Variants in HMG20A observed in about 807,000 individuals in gnomAD.
HMG20A encodes the protein high mobility group protein 20A.
HMG20A carries 17 observed loss-of-function variants against 43.9 expected under a neutral mutation model. The ratio of observed to expected loss-of-function variants is 0.39; its 90% CI spans 0.27 to 0.58. The LOEUF (loss-of-function observed/expected upper bound fraction) is 0.58. Among genes scored for constraint, HMG20A ranks in the 20% least tolerant of loss-of-function variants. The pLI is 0.59. For missense variants in HMG20A, 341 were observed against 438.2 expected, an observed-to-expected ratio of 0.78 and a Z score of 1.98; for synonymous variants, 132 against 147.5, an observed-to-expected ratio of 0.89 and a Z score of 0.76.
chr15:77,477,448 G>C (rs1451050145), intron 6 of HMG20A, 107 bp from the exon 7 acceptor site: 1 of 786,304 alleles, frequency 1.3e-6, no homozygotes, highest in Non-Finnish European at 2.1e-6. Context: ...ACTGATTCCT[G>C]CTCACCCTAT....
At chr15:77,459,247 A>G (rs1223014723) in intron 2 of HMG20A, among the ~76,000 whole-genome samples, 3 of 152,022 alleles carry the variant, frequency 2.0e-5, no homozygotes. Context: ...TGACCTCACT[A>G]CTCAGATGAA....
At chr15:77,452,126 G>A (rs1363193267) in intron 1 of HMG20A, among the ~76,000 whole-genome samples, 1 of 152,222 alleles carries the variant, frequency 6.6e-6, no homozygotes, top group African/African-American at 2.4e-5. Flanking sequence ...CTAATTGAAT[G>A]AGGAGCCTCC....
At chr15:77,471,232 G>GTCTATTATCAATTTCCGTCATTTAGAAA (rs2072805585) in intron 5 of HMG20A, among the ~76,000 whole-genome samples, 190 bp downstream of exon 5, 2 of 151,760 alleles carry the variant, frequency 1.3e-5, no homozygotes, top group East Asian at 3.9e-4. Context: ...TTTCAACTGG[G>GTCTATTATCAATTTCCGTCATTTAGAAA]TTTCCGTGTC....
chr15:77,455,067 A>G (rs548236120), intron 1 of HMG20A, among the ~76,000 whole-genome samples: 1 of 151,910 alleles, frequency 6.6e-6, no homozygotes, highest in Admixed American at 6.6e-5. Flanking sequence ...TAGCATGTGT[A>G]AAGTAAGAAA....
chr15:77,464,470 T>A (rs547338095), intron 3 of HMG20A, 83 bp downstream of exon 3: 10 of 1,414,722 alleles, frequency 7.1e-6, no homozygotes, highest in Middle Eastern at 3.6e-4. Flanking sequence ...GATCAAGGTG[T>A]TCATATGACC....
At chr15:77,509,977 T>C in the HMG20A span, among the ~76,000 whole-genome samples, 38 of 152,160 alleles carry the variant, frequency 2.5e-4, no homozygotes, top group Admixed American at 2.3e-3. Context: ...CAAGATCATG[T>C]TGGAAAGGCT....
intron 9 of HMG20A, among the ~76,000 whole-genome samples, chr15:77,480,503 C>T (rs2072896832): frequency 6.6e-6 from 1 of 151,198 alleles, no homozygotes; most frequent in Non-Finnish European, 1.5e-5. Context: ...GTCCTAGCTA[C>T]TCAGGAGGCT....
At chr15:77,487,299 A>C (rs1308487648), downstream of HMG20A, among the ~76,000 whole-genome samples, 1 of 152,218 alleles carries the variant, frequency 6.6e-6, no homozygotes, top group Non-Finnish European at 1.5e-5. Flanking sequence ...GTAAGGAAGA[A>C]GGAGAAAATG....
At chr15:77,492,534 G>A in the HMG20A span, among the ~76,000 whole-genome samples, 1 of 152,186 alleles carries the variant, frequency 6.6e-6, no homozygotes, top group Non-Finnish European at 1.5e-5. Flanking sequence ...AAGGTAAGAA[G>A]AGCATGCAGT....
At chr15:77,473,274 G>A (rs1193731680) in intron 6 of HMG20A, among the ~76,000 whole-genome samples, 1 of 152,146 alleles carries the variant, frequency 6.6e-6, no homozygotes, top group African/African-American at 2.4e-5. Flanking sequence ...TTGTTTTGCT[G>A]GAGAAACTTT....
the HMG20A span, among the ~76,000 whole-genome samples, chr15:77,491,808 G>A: frequency 1.3e-5 from 2 of 152,154 alleles, no homozygotes; most frequent in East Asian, 3.9e-4. Flanking sequence ...CATTTTTGGT[G>A]TACTCAAGTA....
the HMG20A span, among the ~76,000 whole-genome samples, chr15:77,495,514 A>T: frequency 6.6e-6 from 1 of 152,094 alleles, no homozygotes. Flanking sequence ...GTGCCATTGC[A>T]CTCCAGCCTG....
Position 77,458,440 on chromosome 15 carries a change from G to A in HMG20A, c.33G>A (p.Pro11=), listed in dbSNP as rs750096962. 5.6e-6 allele frequency: 9 copies of A among 1,612,794 alleles called. No homozygotes were observed. The highest frequency in any genetic ancestry group is 2.2e-5 in the East Asian group (1 of 44,850). The change falls in exon 2 of 10, where the codon CCG becomes CCA. Residue 11 remains proline, a synonymous_variant. Transcript: ENST00000336216. The part of the protein sequence containing the change: MENLMTSSTL[P]PLFADEDGSK... ...ACTTGATGACTAGCTCCACCCTACC[G>A]CCCCTTTTTGCAGATGAAGACGGTT...
At position 77,445,033 on chromosome 15, in the gene HMG20A, T is replaced by G. The variant is rs182697044; in HGVS notation, c.-4-13371T>G. ...ATCTTCCTAGGAAGAAAATTTAATTTGTAAGTCAGTTGATTAAAATGAAAA... is the reference window on the plus strand; with the variant it reads ...ATCTTCCTAGGAAGAAAATTTAATTGGTAAGTCAGTTGATTAAAATGAAAA... On this transcript the variant is annotated intron_variant, in intron 1 of 9. Transcript: ENST00000336216. Among the ~76,000 whole-genome samples, 9 of 151,516 alleles carry G rather than the reference T, an allele frequency of 5.9e-5. No homozygotes were observed. The East Asian group carries it at 1.7e-3, about 29-fold the overall frequency.
chr15:77,477,566 G>A lies in HMG20A; in HGVS notation c.627G>A (p.Glu209=). 6.2e-7 allele frequency: 1 copy of A among 1,610,126 alleles called. No homozygotes were observed. Among genetic ancestry groups the A allele is most frequent in the Non-Finnish European group, 8.5e-7 (1 of 1,176,762 alleles). ...QATHDHEKET[E]VKERSVFDIP... is the part of the protein sequence containing the mutation. ...CTCTTGATTCACAGAAAGAAACAGA[G>A]GTAAAGGAACGGTCTGTTTTTGACA... The change falls in exon 7 of 10, where the codon GAG becomes GAA. Residue 209 remains glutamate (E), a synonymous_variant. Transcript: ENST00000336216.
At chr15:77,439,700 T>A (rs1046099377) in intron 1 of HMG20A, among the ~76,000 whole-genome samples, 1 of 152,230 alleles carries the variant, frequency 6.6e-6, no homozygotes, top group African/African-American at 2.4e-5. Context: ...AACATTCGCA[T>A]ACATGTCTTC....
chr15:77,430,217 G>A (rs2073469807), intron 1 of HMG20A, among the ~76,000 whole-genome samples: 1 of 152,178 alleles, frequency 6.6e-6, no homozygotes, highest in Non-Finnish European at 1.5e-5. Flanking sequence ...TCATTAGATA[G>A]TGTTAACGTT....
rs1281978557 is a variant in HMG20A at position 77,471,077 on chromosome 15, G to T, written c.583+35G>T. The stretch of plus-strand genomic sequence containing the variant: ...CCAGAACCAAATGTATTTGTAGTTT[G>T]TTGTGGGTGATGGAGTGTCATAAAG... On this transcript the variant is annotated intron_variant, in intron 5 of 9. Transcript: ENST00000336216. 2.5e-6 allele frequency: 4 copies of T among 1,596,490 alleles called. No homozygotes were observed. The South Asian group carries it at 4.5e-5, about 18-fold the overall frequency.
chr15:77,505,720 T>C, the HMG20A span, among the ~76,000 whole-genome samples: 1 of 152,216 alleles, frequency 6.6e-6, no homozygotes, highest in Admixed American at 6.5e-5. Flanking sequence ...ACCAGGCTGA[T>C]GTGGGCTGCA....
Sources: allele counts gnomAD v4.1 joint callset (sites outside exome capture counted in the v4.1 genomes callset), GRCh38; gene constraint gnomAD v4.1.1; transcripts MANE v1.5; gene names NCBI Gene and HGNC (gene_info 2026-07-23, HGNC 2026-07-21).